The following POLR2F variants were observed in gnomAD, a reference collection of about 807,000 sequenced individuals.
The protein encoded by POLR2F is RNA polymerase II, I and III subunit F.
In POLR2F, 12 loss-of-function variants were observed where a neutral mutation model predicts 22.7. The observed-to-expected ratio is 0.53, with a 90% CI of 0.34 to 0.86. POLR2F has a LOEUF of 0.86. Among genes scored for constraint, POLR2F ranks in the 40% least tolerant of loss-of-function variants. The pLI, the probability that POLR2F is intolerant of heterozygous loss-of-function variation, is 0.02. For synonymous variants in POLR2F, 57 were observed against 66.0 expected, an observed-to-expected ratio of 0.86 and a Z score of 0.66; for missense variants, 126 against 171.5, an observed-to-expected ratio of 0.73 and a Z score of 1.48.
At chr22:37,959,267 T>A in intron 2 of POLR2F, 79 bp from the exon 3 acceptor site, 2 of 1,465,098 alleles carry the variant, frequency 1.4e-6, no homozygotes, top group Non-Finnish European at 1.9e-6. Flanking sequence ...GCGAGAATTG[T>A]GATTGTTGTC....
intron 4 of POLR2F, among the ~76,000 whole-genome samples, chr22:37,976,454 T>A (rs891548119): frequency 1.3e-5 from 2 of 152,222 alleles, no homozygotes; most frequent in Non-Finnish European, 2.9e-5. Context: ...GCTTCTCTGG[T>A]TAGTACCCCT....
Position 37,996,555 on chromosome 22 carries a change from G to A in POLR2F, c.120+10243G>A. Among the ~76,000 whole-genome samples, 2 of 152,228 alleles carry A rather than the reference G, an allele frequency of 1.3e-5. 1 individual carries two copies. The highest frequency in any genetic ancestry group is 3.9e-4 in the East Asian group (2 of 5,194). ...GCTGGGGCCTTGAGGCAGGAGGGAT[G>A]GAGCGAGAGGGAGAGGGCACTGCCC... On this transcript the variant is annotated intron_variant, in intron 1 of 2. Coordinates refer to the POLR2F transcript ENST00000333418.
chr22:37,994,219 T>C (rs2084689725), intron 1 of POLR2F, among the ~76,000 whole-genome samples: 1 of 152,088 alleles, frequency 6.6e-6, no homozygotes, highest in Non-Finnish European at 1.5e-5. Context: ...CTGGGGTGTG[T>C]TCACATGTCA....
intron 1 of POLR2F, among the ~76,000 whole-genome samples, chr22:38,007,007 GA>G (rs1431601942): frequency 6.6e-6 from 1 of 152,204 alleles, no homozygotes; most frequent in Non-Finnish European, 1.5e-5. Context: ...AAAGGAACTT[GA>G]AATTTACTGG....
At position 38,031,998 on chromosome 22, in the gene POLR2F, T is replaced by A. The variant is rs923585176; in HGVS notation, c.453-9070T>A. Among the ~76,000 whole-genome samples the A allele has an allele frequency of 1.3e-5, 2 of 152,118 alleles. No individual in the cohort carries two copies. The highest frequency in any genetic ancestry group is 4.8e-5 in the African/African-American group (2 of 41,426). On this transcript the variant is annotated intron_variant, in intron 5 of 5. Coordinates refer to the POLR2F transcript ENST00000407936. The surrounding 1 kb of genome is among the most constrained non-coding windows in gnomAD (Gnocchi z 4.1). The stretch of plus-strand genomic sequence containing the variant: ...GGAGATTTTGTCCAGTTTCTTTTTT[T>A]TCTTTTACTTTTTTTTTGAGACAGG...
chr22:37,965,100 G>T (rs961502154), intron 3 of POLR2F, among the ~76,000 whole-genome samples: 1 of 152,096 alleles, frequency 6.6e-6, no homozygotes, highest in Non-Finnish European at 1.5e-5. Flanking sequence ...TTCACCTCCT[G>T]GTTCAAGCGA....
At position 37,993,816 on chromosome 22, in the gene POLR2F, C is replaced by T. The variant is rs1433849742; in HGVS notation, c.120+7504C>T. Among the ~76,000 whole-genome samples the T allele has an allele frequency of 4.6e-5, 7 of 152,106 alleles. No homozygotes were observed. The East Asian group carries it at 5.8e-4, about 13-fold the overall frequency. On this transcript the variant is annotated intron_variant, in intron 1 of 2. Transcript: ENST00000333418. ...CATCCTGGCTAACATGATGAAACCC[C>T]GTCTCTACTAAAAATACAAAAAATT... is the stretch of plus-strand genomic sequence containing the variant.
rs1022788519 is a variant in POLR2F, at chr22:37,997,665, C to G, written c.120+11353C>G. Among the ~76,000 whole-genome samples the G allele has an allele frequency of 2.0e-5, 3 of 152,102 alleles. No homozygotes were observed. Among genetic ancestry groups the G allele is most frequent in the African/African-American group, 7.2e-5 (3 of 41,426 alleles). ...TCCAGCCTACCTTCCCCAGGACACC[C>G]GGCTCTGTCCCCTGCATGCCCTGGG... is the stretch of plus-strand genomic sequence containing the variant. On this transcript the variant is annotated intron_variant, in intron 1 of 2. Coordinates refer to the POLR2F transcript ENST00000333418. This position sits in a 1 kb window ranked among gnomAD's most constrained non-coding sequence, Gnocchi z 4.4.
In POLR2F at chr22:38,017,797, G is replaced by A. The variant is rs559950914; in HGVS notation, c.121-8072G>A. Among the ~76,000 whole-genome samples, 4 of 152,292 alleles carry A rather than the reference G, an allele frequency of 2.6e-5. No individual in the cohort carries two copies. Among genetic ancestry groups the A allele is most frequent in the African/African-American group, 4.8e-5 (2 of 41,566 alleles). Reference sequence around the variant, plus strand: ...TGCTCTGTCCTTGCCCAGCCCAGGCGTTTGGGAAGTTCTTTCTGAACTCTG... The same window carrying A: ...TGCTCTGTCCTTGCCCAGCCCAGGCATTTGGGAAGTTCTTTCTGAACTCTG... On this transcript the variant is annotated intron_variant, in intron 1 of 2. Transcript: ENST00000333418. This position sits in a 1 kb window ranked among gnomAD's most constrained non-coding sequence, Gnocchi z 4.1.
At position 37,986,507 on chromosome 22, in the gene POLR2F, C is replaced by A; in HGVS notation, c.120+195C>A. The stretch of plus-strand genomic sequence containing the variant: ...CCCCTCTCTAACTCCCTGCTTCCTC[C>A]TTTGCCCTCCTTGGTCCAGCTGTGC... On this transcript the variant is annotated intron_variant, in intron 1 of 2. Transcript: ENST00000333418. This position sits in a 1 kb window ranked among gnomAD's most constrained non-coding sequence, Gnocchi z 4.7. The A allele has an allele frequency of 7.8e-7, 1 of 1,285,510 alleles. No homozygotes were observed. Among genetic ancestry groups the A allele is most frequent in the Non-Finnish European group, 1.1e-6 (1 of 918,866 alleles). 79.6% of individuals were successfully genotyped at this position (1,285,510 alleles called of 1,614,324 possible). A position where few individuals can be genotyped will look rare whatever the true frequency, so the allele number is the denominator to read the frequency against.
chr22:37,974,446 G>A lies in POLR2F; in HGVS notation c.293+7276G>A, dbSNP rs998806936. Among the ~76,000 whole-genome samples, 1 of 150,856 alleles carries A rather than the reference G, an allele frequency of 6.6e-6. No homozygotes were observed. Among genetic ancestry groups the A allele is most frequent in the Non-Finnish European group, 1.5e-5 (1 of 67,894 alleles). ...CGGCTCACTGCAACCTCTGCCTCCTGGGTTCAAATGATTCTCCTGCCTCAG... is the reference window on the plus strand; with the variant it reads ...CGGCTCACTGCAACCTCTGCCTCCTAGGTTCAAATGATTCTCCTGCCTCAG... On this transcript the variant is annotated intron_variant, in intron 4 of 4. Coordinates refer to the POLR2F transcript ENST00000405557. The surrounding 1 kb of genome is among the most constrained non-coding windows in gnomAD (Gnocchi z 5.4).
chr22:38,004,323 C>T (rs900766953), intron 1 of POLR2F, among the ~76,000 whole-genome samples: 5 of 152,120 alleles, frequency 3.3e-5, no homozygotes, highest in Non-Finnish European at 7.3e-5. Context: ...TGATGACAAC[C>T]TGTATTAGGA....
chr22:37,984,600 A>AG (rs930820652), upstream of POLR2F: 4 of 50,956 alleles, frequency 7.8e-5, no homozygotes. This position sits in a 1 kb window ranked among gnomAD's most constrained non-coding sequence, Gnocchi z 4.4. Flanking sequence ...GGAGGGGGAG[A>AG]GGGGGGAGGG....
Position 38,019,290 on chromosome 22 carries a change from G to A in POLR2F, c.121-6579G>A, listed in dbSNP as rs183512249. Among the ~76,000 whole-genome samples, 257 of 152,150 alleles carry A rather than the reference G, an allele frequency of 1.7e-3. 2 individuals are homozygous for A. The highest frequency in any genetic ancestry group is 5.6e-3 in the Admixed American group (85 of 15,290). On this transcript the variant is annotated intron_variant, in intron 1 of 2. Transcript: ENST00000333418. ...TGCTGGTGCCGCTTCTTCAGCCCCC[G>A]GGCTTGACATTCCCCAAGGGTCCCG...
chr22:37,987,065 C>T lies in POLR2F; in HGVS notation c.120+753C>T, dbSNP rs544708239. 3.3e-5 allele frequency: 15 copies of T among 456,614 alleles called. 1 individual carries two copies. The highest frequency in any genetic ancestry group is 2.2e-4 in the South Asian group (14 of 64,576). 28.3% of individuals were successfully genotyped at this position (456,614 alleles called of 1,614,324 possible). A position where few individuals can be genotyped will look rare whatever the true frequency, so the allele number is the denominator to read the frequency against. On this transcript the variant is annotated intron_variant, in intron 1 of 2. Transcript: ENST00000333418. ...GCTTGTGACCTCCTTACCCCACCCCCCATCACCTCTCTGTCCTGAAGTGAG... is the reference window on the plus strand; with the variant it reads ...GCTTGTGACCTCCTTACCCCACCCCTCATCACCTCTCTGTCCTGAAGTGAG...
chr22:38,030,438 G>A (rs1601917391), downstream of POLR2F, among the ~76,000 whole-genome samples: 1 of 151,182 alleles, frequency 6.6e-6, no homozygotes, highest in Admixed American at 6.7e-5. Context: ...TTCGATTCCA[G>A]AGACTTTCAC....
chr22:38,010,908 C>T (rs2084866600), intron 1 of POLR2F, among the ~76,000 whole-genome samples: 1 of 152,158 alleles, frequency 6.6e-6, no homozygotes, highest in South Asian at 2.1e-4. Context: ...TGAGCCACTG[C>T]ACCCAGCCTT....
intron 1 of POLR2F, among the ~76,000 whole-genome samples, chr22:37,998,834 G>GGGAGAGGAGAGGAGA (rs879845284): frequency 6.6e-6 from 1 of 151,864 alleles, no homozygotes; most frequent in African/African-American, 2.4e-5. Flanking sequence ...GAGAGAGAGA[G>GGGAGAGGAGAGGAGA]GGAGAGGAGA....
intron 3 of POLR2F, among the ~76,000 whole-genome samples, chr22:37,963,666 A>T (rs1931738297): frequency 6.6e-6 from 1 of 152,234 alleles, no homozygotes; most frequent in African/African-American, 2.4e-5. Context: ...GCACACTAAT[A>T]TAGGCTAAAA....
Sources: gnomAD v4.1 joint callset for allele counts (sites outside exome capture counted in the v4.1 genomes callset) on GRCh38, gnomAD v4.1.1 for gene constraint, Gnocchi (gnomAD v3.1) non-coding constraint, MANE v1.5 for transcripts, NCBI Gene and HGNC (gene_info 2026-07-23, HGNC 2026-07-21) for gene names.